The following PCDHGA7 variants were observed in gnomAD, a reference collection of about 807,000 sequenced individuals.
PCDHGA7 encodes the protein protocadherin gamma subfamily A, 7.
Under a neutral mutation model 58.3 loss-of-function variants are expected in PCDHGA7, and 44 were observed. That is an observed-to-expected ratio of 0.75 (90% CI 0.59 to 0.97). PCDHGA7 has a LOEUF of 0.97. PCDHGA7 is among the 50% of genes least tolerant of loss of function. PCDHGA7 has a pLI of 0.00. For missense variants in PCDHGA7, 1,266 were observed against 1,188.7 expected (o/e 1.06, Z -0.96); for synonymous variants, 516 against 504.2 (o/e 1.02, Z -0.31).
Position 141,490,522 on chromosome 5 carries a change from G to A in PCDHGA7, c.2425-4285G>A, listed in dbSNP as rs191201177. ...CTATATCATCGAGCTGCTGGCCAGC[G>A]ATGCTGGTTCACCTTCCCTACACAA... On this transcript the variant is annotated intron_variant, in intron 1 of 3. Transcript: ENST00000518325. This position sits in a 1 kb window ranked among gnomAD's most constrained non-coding sequence, Gnocchi z 5.4. 5.0e-6 allele frequency: 8 copies of A among 1,614,054 alleles called. No homozygotes were observed. Among genetic ancestry groups the A allele is most frequent in the Admixed American group, 3.3e-5 (2 of 60,010 alleles).
intron 1 of PCDHGA7, chr5:141,394,113 A>G: frequency 6.2e-7 from 1 of 1,613,950 alleles, no homozygotes; most frequent in Non-Finnish European, 8.5e-7. Flanking sequence ...ACCTCTGTCC[A>G]CTGAAACTCA....
At chr5:141,464,418 T>C (rs1244881278) in intron 1 of PCDHGA7, among the ~76,000 whole-genome samples, 2 of 151,652 alleles carry the variant, frequency 1.3e-5, no homozygotes, top group Non-Finnish European at 2.9e-5. Flanking sequence ...TATATATCTA[T>C]ATATATAGAT....
chr5:141,501,664 TATAG>T (rs1161034391), intron 2 of PCDHGA7, among the ~76,000 whole-genome samples: 1 of 152,064 alleles, frequency 6.6e-6, no homozygotes, highest in East Asian at 1.9e-4. Flanking sequence ...TGTTGGAAAA[TATAG>T]ATAATCACAA....
chr5:141,445,252 A>G (rs2098461096), intron 1 of PCDHGA7, among the ~76,000 whole-genome samples: 1 of 152,224 alleles, frequency 6.6e-6, no homozygotes, highest in Non-Finnish European at 1.5e-5. Context: ...ATATTGTGTG[A>G]GAATATAAGT....
At chr5:141,403,674 T>C in intron 1 of PCDHGA7, 2 of 1,613,812 alleles carry the variant, frequency 1.2e-6, no homozygotes, top group South Asian at 2.2e-5. Flanking sequence ...AATGCCCCGG[T>C]TTTTGCTCAA....
intron 1 of PCDHGA7, chr5:141,478,153 T>G (rs1477175391): frequency 3.1e-6 from 5 of 1,613,934 alleles, no homozygotes; most frequent in Middle Eastern, 1.6e-4. Flanking sequence ...AGTTCCCCTC[T>G]GGCTCTGCCC....
intron 1 of PCDHGA7, chr5:141,478,902 GCTGCTGGATAC>G: frequency 1.0e-6 from 1 of 978,788 alleles, no homozygotes. Context: ...TTAGGAATAA[GCTGCTGGATAC>G]CTCTAACCAG....
intron 1 of PCDHGA7, among the ~76,000 whole-genome samples, chr5:141,484,030 T>G (rs1290301073): frequency 6.6e-6 from 1 of 151,022 alleles, no homozygotes; most frequent in African/African-American, 2.4e-5. Flanking sequence ...TGAGATCAAG[T>G]CTCCAGCTCC....
At chr5:141,418,872 T>C (rs1351483025) in intron 1 of PCDHGA7, 11 of 1,613,996 alleles carry the variant, frequency 6.8e-6, no homozygotes, top group East Asian at 2.2e-5. Context: ...GTAGAAGTTG[T>C]AGACGAAAAC....
intron 1 of PCDHGA7, 121 bp downstream of exon 1, chr5:141,385,444 G>C: frequency 6.9e-7 from 1 of 1,448,588 alleles, no homozygotes; most frequent in East Asian, 2.5e-5. Context: ...GTAAAAATGA[G>C]TTTACCAGTT....
chr5:141,509,442 T>C (rs1473514859), intron 3 of PCDHGA7, among the ~76,000 whole-genome samples: 3 of 152,008 alleles, frequency 2.0e-5, no homozygotes, highest in Non-Finnish European at 2.9e-5. Flanking sequence ...TGTTTCCTCC[T>C]CTCCCACCCC....
rs2097368013 is a variant in PCDHGA7 at position 141,431,382 on chromosome 5, A to G, written c.2424+46059A>G. 6 of 1,613,756 alleles carry G rather than the reference A, an allele frequency of 3.7e-6. No homozygotes were observed. In the East Asian group the frequency reaches 1.1e-4, roughly 30 times the overall value. On this transcript the variant is annotated intron_variant, in intron 1 of 3. Transcript: ENST00000518325. This position sits in a 1 kb window ranked among gnomAD's most constrained non-coding sequence, Gnocchi z 4.8. ...CTGGACCGCGAAGAAAAGGCTGCTC[A>G]CCACCTGGTCCTTACGGCCTCCGAC... is the stretch of plus-strand genomic sequence containing the variant.
At position 141,491,566 on chromosome 5, in the gene PCDHGA7, A is replaced by G; in HGVS notation, c.2425-3241A>G. Reference sequence around the variant, plus strand: ...AGACTCGCAGAGCCACTGCTACAGGACGTGCTTTTCACCGGCCTCGGACGG... The same window carrying G: ...AGACTCGCAGAGCCACTGCTACAGGGCGTGCTTTTCACCGGCCTCGGACGG... On this transcript the variant is annotated intron_variant, in intron 1 of 3. Transcript: ENST00000518325. This position sits in a 1 kb window ranked among gnomAD's most constrained non-coding sequence, Gnocchi z 6.9. 1 of 1,613,950 alleles carries G rather than the reference A, an allele frequency of 6.2e-7. No individual in the cohort carries two copies.
At chr5:141,423,806 T>A in intron 1 of PCDHGA7, 1 of 1,251,576 alleles carries the variant, frequency 8.0e-7, no homozygotes, top group African/African-American at 1.6e-5. Flanking sequence ...GCAATACATG[T>A]GAGTTTTACT....
intron 1 of PCDHGA7, among the ~76,000 whole-genome samples, chr5:141,396,957 T>C (rs1169025850): frequency 6.6e-6 from 1 of 152,214 alleles, no homozygotes; most frequent in East Asian, 1.9e-4. Flanking sequence ...AGAAAATCCT[T>C]ACTCTCCCTA....
Position 141,487,892 on chromosome 5 carries a change from T to A in PCDHGA7, c.2425-6915T>A. On this transcript the variant is annotated intron_variant, in intron 1 of 3. Coordinates refer to ENST00000518325, the MANE Select transcript of PCDHGA7 (RefSeq NM_018920.4). The surrounding 1 kb of genome is among the most constrained non-coding windows in gnomAD (Gnocchi z 5.0). The stretch of plus-strand genomic sequence containing the variant: ...GAGCCAGGCTGTTGTGGAAGCATGA[T>A]GATGGAATGTGGGAGCACAGGAGGC... 1 of 731,410 alleles carries A rather than the reference T, an allele frequency of 1.4e-6. No homozygotes were observed. Among genetic ancestry groups the A allele is most frequent in the South Asian group, 1.8e-5 (1 of 54,120 alleles). The allele number at this position is 731,410 out of a possible 1,614,324, so 45.3% of individuals were successfully genotyped here. A position where few individuals can be genotyped will look rare whatever the true frequency, so the allele number is the denominator to read the frequency against.
chr5:141,420,252 C>G (rs745697672), intron 1 of PCDHGA7: 2 of 1,576,604 alleles, frequency 1.3e-6, no homozygotes, highest in Non-Finnish European at 1.7e-6. Flanking sequence ...AGCGTTGAAG[C>G]AGATAAGAAG....
At chr5:141,415,458 C>T in intron 1 of PCDHGA7, 5 of 1,614,204 alleles carry the variant, frequency 3.1e-6, no homozygotes, top group Non-Finnish European at 4.2e-6. Flanking sequence ...CCCACGAGGT[C>T]TCTCTCACCG....
intron 1 of PCDHGA7, chr5:141,395,523 C>A: frequency 7.5e-6 from 3 of 400,150 alleles, no homozygotes; most frequent in Non-Finnish European, 1.3e-5. Flanking sequence ...CCCGTCCATA[C>A]TGGTAATTTT....
Sources: allele counts gnomAD v4.1 joint callset (sites outside exome capture counted in the v4.1 genomes callset), GRCh38; gene constraint gnomAD v4.1.1; non-coding constraint Gnocchi (gnomAD v3.1); transcripts MANE v1.5; gene names NCBI Gene and HGNC (gene_info 2026-07-23, HGNC 2026-07-21).